CASK: variants seen among roughly 807,000 people sequenced by gnomAD.
The protein encoded by CASK is peripheral plasma membrane protein CASK.
CASK carries 4 observed loss-of-function variants against 82.9 expected under a neutral mutation model. The ratio of observed to expected loss-of-function variants is 0.05; its 90% confidence interval spans 0.02 to 0.11. CASK has a LOEUF of 0.11. CASK is among the 10% of genes least tolerant of loss of function. The pLI, the probability that CASK is intolerant of heterozygous loss-of-function variation, is 1.00. For missense variants in CASK, 358 were observed against 720.9 expected, an observed-to-expected ratio of 0.50 and a Z score of 5.76; for synonymous variants, 259 against 253.5, an observed-to-expected ratio of 1.02 and a Z score of -0.20.
At chrX:41,814,606 G>T (rs771446705) in intron 2 of CASK, among the ~76,000 whole-genome samples, 3 of 88,582 alleles carry the variant, frequency 3.4e-5, no homozygotes, top group South Asian at 8.6e-4. Context: ...TGGAGGGAGG[G>T]GGGAGGGATA....
chrX:41,593,355 T>G (rs2065773688), intron 12 of CASK, among the ~76,000 whole-genome samples: 1 of 111,497 alleles, frequency 9.0e-6, no homozygotes, highest in Admixed American at 9.6e-5. Flanking sequence ...ATTTTGTCAC[T>G]GTCAGAGAGA....
At chrX:41,869,503 T>A (rs1447590914) in intron 1 of CASK, among the ~76,000 whole-genome samples, 1 of 110,362 alleles carries the variant, frequency 9.1e-6, no homozygotes, top group South Asian at 3.9e-4. Flanking sequence ...ACAAAATACA[T>A]GAGGTATTGA....
At chrX:41,904,499 A>T (rs780665240) in intron 1 of CASK, among the ~76,000 whole-genome samples, 2 of 112,495 alleles carry the variant, frequency 1.8e-5, no homozygotes, top group South Asian at 7.2e-4. Flanking sequence ...ACTACAAAAC[A>T]CTGCTGAGAG....
chrX:41,720,969 C>G (rs1444353372), intron 5 of CASK, among the ~76,000 whole-genome samples: 1 of 111,903 alleles, frequency 8.9e-6, no homozygotes, highest in African/African-American at 3.2e-5. Context: ...ATCTCAAAAG[C>G]AGGAAAATTA....
intron 5 of CASK, among the ~76,000 whole-genome samples, chrX:41,709,471 C>G (rs762854746): frequency 9.0e-6 from 1 of 111,385 alleles, no homozygotes; most frequent in African/African-American, 3.3e-5. Flanking sequence ...TGAGTATTAT[C>G]ATATATTATG....
At chrX:41,818,599 T>C (rs1453284563) in intron 2 of CASK, among the ~76,000 whole-genome samples, 1 of 110,520 alleles carries the variant, frequency 9.0e-6, no homozygotes, top group African/African-American at 3.3e-5. Flanking sequence ...AGATACCCTG[T>C]CTCTATTTTT....
In CASK at chrX:41,766,612, C is replaced by T. The variant is rs747933144; in HGVS notation, c.278+20566G>A. 1.3e-3 allele frequency among the ~76,000 whole-genome samples: 150 copies of T among 112,038 alleles called. 1 individual carries two copies. Among genetic ancestry groups the T allele is most frequent in the Non-Finnish European group, 2.3e-3 (124 of 53,266 alleles). On this transcript the variant is annotated intron_variant, in intron 3 of 26. Transcript: ENST00000378163. Reference sequence around the variant, plus strand: ...AAAACATTATGCATAAATGGCTAGGCGCACTGGCTCACGCCTGTAATCCTA... The same window carrying T: ...AAAACATTATGCATAAATGGCTAGGTGCACTGGCTCACGCCTGTAATCCTA...
intron 22 of CASK, among the ~76,000 whole-genome samples, chrX:41,536,086 G>A (rs2064869438): frequency 9.0e-6 from 1 of 111,353 alleles, no homozygotes; most frequent in Non-Finnish European, 1.9e-5. Flanking sequence ...ATTTGATGAT[G>A]TAATAAAGGA....
At chrX:41,695,442 A>G (rs903861724) in intron 5 of CASK, 88 of 384,844 alleles carry the variant, frequency 2.3e-4, no homozygotes, top group African/African-American at 2.1e-3. Flanking sequence ...TAGCCTCCCG[A>G]GTAGCTAGGA....
chrX:41,869,812 CAAAAAAAAA>C lies in CASK; in HGVS notation c.60-16594_60-16586del, dbSNP rs72190097. Among the ~76,000 whole-genome samples the C allele has an allele frequency of 9.0e-3, 109 of 12,119 alleles. 2 individuals are homozygous for C. The highest frequency in any genetic ancestry group is 0.026 in the Admixed American group (16 of 611). 10.5% of individuals were successfully genotyped at this position (12,119 alleles called of 115,157 possible). ...TGGGTGATGAAGTAAGACTCTGTCT[CAAAAAAAAA>C]AAAAAAAAAAAAAAAGCCAAAATTT... On this transcript the variant is annotated intron_variant, in intron 1 of 26. Transcript: ENST00000378163.
chrX:41,681,706 A>G (rs2067358304), intron 5 of CASK, among the ~76,000 whole-genome samples: 1 of 111,376 alleles, frequency 9.0e-6, no homozygotes, highest in Non-Finnish European at 1.9e-5. Context: ...AGAAAAAGGT[A>G]GGCTGAGGCA....
intron 20 of CASK, 47 bp from the exon 21 acceptor site, chrX:41,553,962 G>T: frequency 1.1e-6 from 1 of 942,299 alleles, no homozygotes; most frequent in South Asian, 2.0e-5. Context: ...TGATGTGAAA[G>T]AGAAGTTAGC....
At chrX:41,659,078 GA>G (rs747997291) in intron 8 of CASK, among the ~76,000 whole-genome samples, 2 of 111,125 alleles carry the variant, frequency 1.8e-5, no homozygotes, top group Non-Finnish European at 3.8e-5. Flanking sequence ...CCAACAGAGA[GA>G]GAACTCTGAT....
chrX:41,597,181 A>C (rs746457697), intron 12 of CASK, among the ~76,000 whole-genome samples: 1 of 112,294 alleles, frequency 8.9e-6, no homozygotes, highest in African/African-American at 3.2e-5. Flanking sequence ...CATGGTAAGA[A>C]GCTATAAAAT....
At chrX:41,779,905 C>T in intron 3 of CASK, among the ~76,000 whole-genome samples, 1 of 108,774 alleles carries the variant, frequency 9.2e-6, no homozygotes, top group South Asian at 3.8e-4. Context: ...GCTACAAAAA[C>T]ACAAACTGCT....
At chrX:41,743,891 T>C (rs1354960141) in intron 4 of CASK, among the ~76,000 whole-genome samples, 2 of 111,106 alleles carry the variant, frequency 1.8e-5, no homozygotes, top group East Asian at 5.6e-4. Flanking sequence ...GCGGATCACT[T>C]GAGGTCAGGA....
At chrX:41,689,932 G>A (rs749948449) in intron 5 of CASK, 59 of 111,085 alleles carry the variant, frequency 5.3e-4, no homozygotes, top group African/African-American at 1.9e-3. Context: ...GGAATCTGTT[G>A]GGTCCTGCCC....
chrX:41,587,454 G>C (rs745841276), intron 13 of CASK: 1 of 113,612 alleles, frequency 8.8e-6, no homozygotes, highest in Admixed American at 9.3e-5. Flanking sequence ...TAATTAATTA[G>C]ACTACTTAAT....
intron 2 of CASK, among the ~76,000 whole-genome samples, chrX:41,799,773 G>A (rs908808682): frequency 5.9e-5 from 6 of 102,482 alleles, no homozygotes; most frequent in Non-Finnish European, 1.2e-4. Flanking sequence ...TGTAGCATTC[G>A]AGATAGGGAC....
Sources: gnomAD v4.1 joint callset for allele counts (sites outside exome capture counted in the v4.1 genomes callset) on GRCh38, gnomAD v4.1.1 for gene constraint, MANE v1.5 for transcripts, NCBI Gene and HGNC (gene_info 2026-07-23, HGNC 2026-07-21) for gene names.